CENPP: variants seen among roughly 807,000 people sequenced by gnomAD.
CENPP encodes the protein centromere protein P.
A neutral mutation model predicts 35.6 loss-of-function variants in CENPP; 24 were observed. That is an observed-to-expected ratio of 0.67 (90% CI 0.49 to 0.95). The LOEUF (loss-of-function observed/expected upper bound fraction) is 0.95. Ranked by LOEUF, CENPP falls within the 40% of genes least tolerant of loss-of-function variation. The pLI is 0.00. For synonymous variants in CENPP, 120 were observed against 125.5 expected (o/e 0.96, Z 0.29); for missense variants, 332 against 345.3 (o/e 0.96, Z 0.31).
At chr9:92,374,494 C>G (rs917055145) in intron 4 of CENPP, among the ~76,000 whole-genome samples, 3 of 152,106 alleles carry the variant, frequency 2.0e-5, no homozygotes, top group Non-Finnish European at 4.4e-5. Context: ...TACTGGTTAC[C>G]TTGAGAATTA....
intron 5 of CENPP, among the ~76,000 whole-genome samples, chr9:92,428,947 G>A (rs563769694): frequency 1.5e-3 from 222 of 151,968 alleles, no homozygotes; most frequent in African/African-American, 4.9e-3. Context: ...TCTGTCTCTT[G>A]AGGATGCTAG....
chr9:92,363,256 A>AG (rs1163929402), intron 4 of CENPP, among the ~76,000 whole-genome samples: 9 of 147,126 alleles, frequency 6.1e-5, no homozygotes, highest in Non-Finnish European at 1.2e-4. Context: ...CACACACACA[A>AG]ACCTGTATGT....
At chr9:92,442,398 C>CAAAAAAAA (rs71362387) in intron 5 of CENPP, among the ~76,000 whole-genome samples, 2 of 74,468 alleles carry the variant, frequency 2.7e-5, no homozygotes, top group Non-Finnish European at 5.5e-5. Flanking sequence ...AACTCTGTCT[C>CAAAAAAAA]AAAAAAAAAA....
chr9:92,463,806 G>A (rs1021868846), intron 5 of CENPP, among the ~76,000 whole-genome samples: 3 of 152,244 alleles, frequency 2.0e-5, no homozygotes, highest in Admixed American at 6.5e-5. Context: ...AAGCTACACT[G>A]AGGTGTTTTT....
intron 5 of CENPP, among the ~76,000 whole-genome samples, chr9:92,590,107 T>C (rs1490822100): frequency 3.3e-5 from 5 of 152,344 alleles, no homozygotes; most frequent in Non-Finnish European, 5.9e-5. Flanking sequence ...CAAATGCTCC[T>C]GGAGGGCACT....
At chr9:92,361,322 G>A (rs903592184) in intron 4 of CENPP, among the ~76,000 whole-genome samples, 1 of 151,302 alleles carries the variant, frequency 6.6e-6, no homozygotes, top group African/African-American at 2.4e-5. Flanking sequence ...TGTATTGTTA[G>A]CAGAGACGGG....
chr9:92,379,001 A>G (rs1842186011), intron 4 of CENPP, among the ~76,000 whole-genome samples: 1 of 152,234 alleles, frequency 6.6e-6, no homozygotes, highest in Non-Finnish European at 1.5e-5. Flanking sequence ...GTCCACCTGC[A>G]GTTAGGACCA....
intron 5 of CENPP, among the ~76,000 whole-genome samples, chr9:92,586,830 T>C (rs966773908): frequency 2.0e-5 from 3 of 152,088 alleles, no homozygotes; most frequent in Non-Finnish European, 2.9e-5. Context: ...TTTGGAAAAG[T>C]TGTTAAGCAG....
intron 5 of CENPP, among the ~76,000 whole-genome samples, chr9:92,512,429 AC>A (rs760820107): frequency 3.3e-5 from 5 of 152,212 alleles, no homozygotes; most frequent in Non-Finnish European, 7.3e-5. Context: ...AGTACTGGTA[AC>A]ATTGTACATT....
intron 5 of CENPP, among the ~76,000 whole-genome samples, chr9:92,474,246 G>T (rs552782069): frequency 6.6e-6 from 1 of 152,254 alleles, no homozygotes; most frequent in South Asian, 2.1e-4. Flanking sequence ...TCATTTCATT[G>T]TTCTAGACAT....
At chr9:92,573,340 T>A (rs1360476513) in intron 5 of CENPP, among the ~76,000 whole-genome samples, 1 of 152,178 alleles carries the variant, frequency 6.6e-6, no homozygotes, top group Non-Finnish European at 1.5e-5. Context: ...CAGCTGCAGG[T>A]CTGTTGGAGT....
Position 92,337,595 on chromosome 9 carries a change from C to T in CENPP, c.344C>T (p.Thr115Ile). The change falls in exon 3 of 8, where the codon ACA becomes ATA. Residue 115 changes from threonine to isoleucine, a missense_variant. By Grantham distance (89) the Thr-to-Ile change is moderately conservative. Coordinates refer to ENST00000375587, the MANE Select transcript of CENPP (RefSeq NM_001012267.3). ...TTATCAGGAAATTGCCACATGGTTA[C>T]ATTTCAACTTGAATTTCAGATTCTG... ...HRLSGNCHMV[T>I]FQLEFQILEI... 1.2e-6 allele frequency: 2 copies of T among 1,607,662 alleles called. No individual in the cohort carries two copies. The highest frequency in any genetic ancestry group is 1.7e-6 in the Non-Finnish European group (2 of 1,174,208).
intron 5 of CENPP, among the ~76,000 whole-genome samples, chr9:92,494,890 A>G (rs562254899): frequency 6.6e-6 from 1 of 152,256 alleles, no homozygotes; most frequent in African/African-American, 2.4e-5. Flanking sequence ...CTGGCGACAG[A>G]GTGACACTCC....
intron 5 of CENPP, among the ~76,000 whole-genome samples, chr9:92,449,428 C>A (rs1259392912): frequency 4.3e-5 from 4 of 92,180 alleles, no homozygotes; most frequent in Non-Finnish European, 7.8e-5. Context: ...ATGAGCGAGA[C>A]TCTATCTCCA....
intron 5 of CENPP, among the ~76,000 whole-genome samples, chr9:92,449,684 C>T (rs1270536150): frequency 1.3e-5 from 2 of 151,908 alleles, no homozygotes; most frequent in African/African-American, 2.4e-5. Context: ...GGATTTTCCC[C>T]TTGGAGCAGT....
intron 5 of CENPP, chr9:92,393,083 T>TA (rs1842754158): frequency 1.9e-6 from 3 of 1,612,220 alleles, no homozygotes; most frequent in East Asian, 2.2e-5. Context: ...CAGCTTAACT[T>TA]ACGTATGTCT....
At chr9:92,470,690 A>G (rs754547694) in intron 5 of CENPP, 4 of 1,550,106 alleles carry the variant, frequency 2.6e-6, no homozygotes, top group Non-Finnish European at 3.5e-6. Context: ...TGAGTCCTTT[A>G]AAATCATTTT....
chr9:92,495,374 C>G, intron 5 of CENPP: 1 of 978,388 alleles, frequency 1.0e-6, no homozygotes, highest in Non-Finnish European at 1.2e-6. Context: ...AAAGACATAG[C>G]TTTATTTCAA....
chr9:92,403,508 A>C (rs1196711614), intron 5 of CENPP: 5 of 1,470,216 alleles, frequency 3.4e-6, no homozygotes, highest in Non-Finnish European at 4.5e-6. Flanking sequence ...CAGACCATCG[A>C]AGCAATATTT....
Sources: gnomAD v4.1 joint callset for allele counts (sites outside exome capture counted in the v4.1 genomes callset) on GRCh38, gnomAD v4.1.1 for gene constraint, MANE v1.5 for transcripts, NCBI Gene and HGNC (gene_info 2026-07-23, HGNC 2026-07-21) for gene names.